STARD13: variants seen among roughly 807,000 people sequenced by gnomAD.
STARD13 encodes stAR-related lipid transfer protein 13.
A neutral mutation model predicts 106.4 loss-of-function variants in STARD13; 62 were observed. The observed-to-expected ratio is 0.58, with a 90% CI of 0.48 to 0.72. The LOEUF is 0.72. Ranked by LOEUF, STARD13 falls within the 30% of genes least tolerant of loss-of-function variation. The pLI is 0.00. For synonymous variants in STARD13, 565 were observed against 553.0 expected, an observed-to-expected ratio of 1.02 and a Z score of -0.31; for missense variants, 1,387 against 1,424.0, an observed-to-expected ratio of 0.97 and a Z score of 0.42.
chr13:33,365,228 G>A, the STARD13 span, among the ~76,000 whole-genome samples: 27 of 152,284 alleles, frequency 1.8e-4, no homozygotes, highest in African/African-American at 6.3e-4. Context: ...GGAAGGGTGG[G>A]AAGAGGTGGA....
chr13:33,633,276 T>C, the STARD13 span, among the ~76,000 whole-genome samples: 1 of 152,232 alleles, frequency 6.6e-6, no homozygotes, highest in Non-Finnish European at 1.5e-5. Flanking sequence ...CTCTTTTTTA[T>C]GGTACATAAA....
chr13:33,119,624 G>T (rs540755666), intron 7 of STARD13, among the ~76,000 whole-genome samples: 6 of 152,338 alleles, frequency 3.9e-5, no homozygotes, highest in Middle Eastern at 3.4e-3. Context: ...CAGCCGAATG[G>T]ATCACAGGGG....
the STARD13 span, among the ~76,000 whole-genome samples, chr13:33,542,879 T>C: frequency 6.6e-6 from 1 of 152,096 alleles, no homozygotes; most frequent in Admixed American, 6.5e-5. Context: ...CGCGCCCTTC[T>C]CTCGGAACCT....
chr13:33,446,856 C>T, the STARD13 span, among the ~76,000 whole-genome samples: 1 of 152,100 alleles, frequency 6.6e-6, no homozygotes, highest in Non-Finnish European at 1.5e-5. Flanking sequence ...CTATGTTTTA[C>T]AGTTAACATT....
the STARD13 span, among the ~76,000 whole-genome samples, chr13:33,651,730 C>T: frequency 6.6e-6 from 1 of 152,214 alleles, no homozygotes; most frequent in Non-Finnish European, 1.5e-5. Context: ...ATTAGCCAGA[C>T]TGTGACTACT....
chr13:33,604,619 A>G, the STARD13 span, among the ~76,000 whole-genome samples: 1 of 152,006 alleles, frequency 6.6e-6, no homozygotes, highest in Non-Finnish European at 1.5e-5. Flanking sequence ...CAATATAGCA[A>G]AACCCCGTCT....
chr13:33,170,336 CT>C (rs1883809912), intron 1 of STARD13, among the ~76,000 whole-genome samples: 1 of 152,166 alleles, frequency 6.6e-6, no homozygotes, highest in East Asian at 1.9e-4. Flanking sequence ...GAAAACAACA[CT>C]CCTTTTGGAA....
chr13:33,109,829 C>A, intron 12 of STARD13, 44 bp downstream of exon 12: 1 of 1,596,622 alleles, frequency 6.3e-7, no homozygotes, highest in East Asian at 2.2e-5. Context: ...AGTTCGCGTC[C>A]TGCCTTTGGA....
the STARD13 span, among the ~76,000 whole-genome samples, chr13:33,356,716 G>T: frequency 6.6e-6 from 1 of 152,178 alleles, no homozygotes; most frequent in Non-Finnish European, 1.5e-5. Context: ...AATTGCTATT[G>T]TTGTTGTTGC....
chr13:33,142,241 C>T (rs955901581), intron 4 of STARD13, 69 bp downstream of exon 4: 32 of 1,200,940 alleles, frequency 2.7e-5, no homozygotes, highest in Non-Finnish European at 3.8e-5. Context: ...CACTATGTTG[C>T]TCAGATTGAT....
At chr13:33,346,426 C>A (rs957017367), downstream of STARD13, among the ~76,000 whole-genome samples, 24 of 152,140 alleles carry the variant, frequency 1.6e-4, no homozygotes, top group African/African-American at 5.6e-4. Context: ...CACAGAAACC[C>A]ATAGGCTTTA....
chr13:33,590,780 C>T, the STARD13 span, among the ~76,000 whole-genome samples: 2 of 151,714 alleles, frequency 1.3e-5, no homozygotes, highest in East Asian at 1.9e-4. Context: ...GGGTGCAGCA[C>T]AGCAATATGG....
intron 3 of STARD13, among the ~76,000 whole-genome samples, chr13:33,144,901 G>T (rs1270102989): frequency 6.6e-6 from 1 of 152,086 alleles, no homozygotes; most frequent in African/African-American, 2.4e-5. Flanking sequence ...TTTGATCTAC[G>T]ACACACACAC....
chr13:33,308,524 T>TC (rs1566131132), intron 1 of STARD13, among the ~76,000 whole-genome samples: 2 of 138,200 alleles, frequency 1.4e-5, no homozygotes, highest in Admixed American at 7.2e-5. Context: ...TTCTTTCTTT[T>TC]TTTTTTTTTT....
At chr13:33,451,332 T>C in the STARD13 span, among the ~76,000 whole-genome samples, 1 of 152,094 alleles carries the variant, frequency 6.6e-6, no homozygotes, top group Admixed American at 6.6e-5. Context: ...ACTCTAAAAA[T>C]GTAAGTTTTA....
chr13:33,187,216 C>T (rs1344700182), intron 1 of STARD13, among the ~76,000 whole-genome samples: 6 of 152,096 alleles, frequency 3.9e-5, no homozygotes, highest in Admixed American at 3.3e-4. Context: ...AGAGGGTTGC[C>T]GGGAAGGCAG....
chr13:33,235,026 G>C (rs1271415057), intron 1 of STARD13, among the ~76,000 whole-genome samples: 3 of 152,122 alleles, frequency 2.0e-5, no homozygotes, highest in African/African-American at 7.2e-5. Context: ...TCCTTCCTCT[G>C]GTCTCTTGAA....
the STARD13 span, among the ~76,000 whole-genome samples, chr13:33,481,969 C>T: frequency 6.5e-5 from 9 of 139,078 alleles, no homozygotes; most frequent in East Asian, 2.1e-4. Flanking sequence ...GGCTACAGAG[C>T]GAGACTCCGT....
At chr13:33,670,459 C>T in the STARD13 span, among the ~76,000 whole-genome samples, 1 of 152,260 alleles carries the variant, frequency 6.6e-6, no homozygotes, top group East Asian at 1.9e-4. Context: ...AGTCTTATTT[C>T]ACAAGTACAA....
Sources: allele counts gnomAD v4.1 joint callset (sites outside exome capture counted in the v4.1 genomes callset), GRCh38; gene constraint gnomAD v4.1.1; transcripts MANE v1.5; gene names NCBI Gene and HGNC (gene_info 2026-07-23, HGNC 2026-07-21).